Variants in INSR observed in about 807,000 individuals in gnomAD.
The protein encoded by INSR is IR.
In INSR, 67 loss-of-function variants were observed where a neutral mutation model predicts 142.6. That is an observed-to-expected ratio of 0.47 (90% CI 0.39 to 0.58). The LOEUF (loss-of-function observed/expected upper bound fraction) is 0.58. Ranked by LOEUF, INSR falls within the 20% of genes least tolerant of loss-of-function variation. The pLI is 0.00. For missense variants in INSR, 1,248 were observed against 1,833.2 expected (o/e 0.68, Z 5.83); for synonymous variants, 756 against 743.1 (o/e 1.02, Z -0.28).
At chr19:7,127,898 C>T (rs181978244) in intron 15 of INSR, among the ~76,000 whole-genome samples, 33 of 152,050 alleles carry the variant, frequency 2.2e-4, no homozygotes, top group African/African-American at 7.2e-4. Context: ...CGCACATCAC[C>T]ACACCTTGCT....
intron 2 of INSR, among the ~76,000 whole-genome samples, chr19:7,207,944 AGGAGGGAG>A (rs142282913): frequency 2.2e-4 from 10 of 46,430 alleles, no homozygotes; most frequent in East Asian, 1.1e-3. Flanking sequence ...AAGGAAGGGA[AGGAGGGAG>A]GGAGGGAGGG....
chr19:7,197,823 A>AAC lies in INSR; in HGVS notation c.653-13187_653-13186insGT, dbSNP rs1393569879. ...GTTCCAGAGTGGGAGAGAGAGCGAG[A>AAC]GAGAGAGAGAACGAGAGAGAGAGAG... On this transcript the variant is annotated intron_variant, in intron 2 of 21. Coordinates refer to ENST00000302850, the MANE Select transcript of INSR (RefSeq NM_000208.4). 2.6e-3 allele frequency among the ~76,000 whole-genome samples: 188 copies of AAC among 71,676 alleles called. 3 individuals carry two copies. The highest frequency in any genetic ancestry group is 0.012 in the African/African-American group (177 of 15,246). The allele number at this position is 71,676 out of a possible 152,430, so 47.0% of individuals were successfully genotyped here.
intron 13 of INSR, among the ~76,000 whole-genome samples, chr19:7,137,098 C>G (rs1249620089): frequency 1.3e-5 from 2 of 151,998 alleles, no homozygotes; most frequent in African/African-American, 4.8e-5. Flanking sequence ...TCTGAAGGTA[C>G]TAGGATTACA....
chr19:7,173,768 C>T (rs540869516), intron 4 of INSR, among the ~76,000 whole-genome samples: 3 of 151,882 alleles, frequency 2.0e-5, no homozygotes, highest in East Asian at 3.9e-4. Flanking sequence ...TACAGGCACG[C>T]ACCACCAAGC....
At chr19:7,146,712 G>A (rs185701023) in intron 11 of INSR, among the ~76,000 whole-genome samples, 22 of 152,224 alleles carry the variant, frequency 1.4e-4, no homozygotes, top group Admixed American at 1.4e-3. Flanking sequence ...ACTTTTTTGA[G>A]GAAATTATTT....
intron 2 of INSR, among the ~76,000 whole-genome samples, chr19:7,188,651 C>A (rs1599967324): frequency 6.6e-6 from 1 of 150,996 alleles, no homozygotes; most frequent in African/African-American, 2.4e-5. Flanking sequence ...GTGGGTGGAC[C>A]ACTTGAGGTC....
Position 7,249,223 on chromosome 19 carries a change from C to A in INSR, c.652+18122G>T, listed in dbSNP as rs2145168870. The stretch of plus-strand genomic sequence containing the variant: ...TTTCCTTTCAGAGGTTCAGCTATCG[C>A]TCTCCCCGTGACATCTGTGATGACG... On this transcript the variant is annotated intron_variant, in intron 2 of 21. Transcript: ENST00000302850. 1.3e-5 allele frequency among the ~76,000 whole-genome samples: 2 copies of A among 152,252 alleles called. 1 individual carries two copies. Among genetic ancestry groups the A allele is most frequent in the South Asian group, 4.1e-4 (2 of 4,832 alleles).
intron 3 of INSR, among the ~76,000 whole-genome samples, chr19:7,175,497 C>G (rs1397229946): frequency 1.3e-5 from 2 of 152,150 alleles, no homozygotes; most frequent in Non-Finnish European, 2.9e-5. Flanking sequence ...AGGCTCCACT[C>G]ACGAGCTGCC....
At chr19:7,135,304 CTTTTTTTTT>C (rs34080394) in intron 13 of INSR, among the ~76,000 whole-genome samples, 101 of 60,056 alleles carry the variant, frequency 1.7e-3, no homozygotes, top group South Asian at 4.8e-3. Context: ...AATGCATCTT[CTTTTTTTTT>C]TTTTTTTTTT....
intron 2 of INSR, among the ~76,000 whole-genome samples, chr19:7,252,342 G>T (rs1038842528): frequency 6.6e-6 from 1 of 151,904 alleles, no homozygotes; most frequent in South Asian, 2.1e-4. Context: ...AATCCAGGAG[G>T]TTGCAGTGAG....
rs373987467 is a variant in INSR, at chr19:7,126,647, G to C, written c.2950C>G (p.Pro984Ala). ...TAAAGCGGTCCCAGCGGCCCATCTG[G>C]CTGCCTGGAGGAGGAAAACGAGGCA... ...SIYLFLRKRQ[P>A]DGPLGPLYAS... The change falls in exon 16 of 22, where the codon CCA (proline) becomes GCA (alanine). Residue 984 changes from proline to alanine, a missense_variant. Coordinates refer to ENST00000302850, the MANE Select transcript of INSR (RefSeq NM_000208.4). The C allele has an allele frequency of 1.9e-5, 30 of 1,564,096 alleles. No individual in the cohort carries two copies. In the African/African-American group the frequency reaches 3.9e-4, roughly 20 times the overall value.
chr19:7,155,063 A>G (rs958839000), intron 9 of INSR, among the ~76,000 whole-genome samples: 2 of 152,174 alleles, frequency 1.3e-5, no homozygotes, highest in Non-Finnish European at 2.9e-5. Context: ...ATGTTGGGGT[A>G]AAAGAACAGT....
chr19:7,122,365 C>A (rs1481590960), intron 19 of INSR, among the ~76,000 whole-genome samples: 1 of 151,078 alleles, frequency 6.6e-6, no homozygotes, highest in Non-Finnish European at 1.5e-5. Context: ...ATCACTTGAA[C>A]CTGGGAGGTG....
At chr19:7,127,135 T>G (rs1972665419) in intron 15 of INSR, among the ~76,000 whole-genome samples, 1 of 152,116 alleles carries the variant, frequency 6.6e-6, no homozygotes, top group Non-Finnish European at 1.5e-5. Flanking sequence ...TGGTCTCAAG[T>G]GATCCTCCTG....
chr19:7,270,316 T>TTCTCTC (rs371690798), intron 1 of INSR, among the ~76,000 whole-genome samples: 317 of 128,220 alleles, frequency 2.5e-3, no homozygotes, highest in South Asian at 8.2e-3. Flanking sequence ...TATATTTCAT[T>TTCTCTC]TCTCTCTCTC....
intron 1 of INSR, among the ~76,000 whole-genome samples, chr19:7,274,996 G>A (rs1339548569): frequency 1.3e-5 from 2 of 150,110 alleles, no homozygotes; most frequent in African/African-American, 4.9e-5. Context: ...TTTGGTCAGA[G>A]AGGGAGTTTC....
In INSR at chr19:7,172,280, G is replaced by A. The variant is rs1974033974; in HGVS notation, c.1268+10C>T. 2 of 1,613,794 alleles carry A rather than the reference G, an allele frequency of 1.2e-6. No homozygotes were observed. Among genetic ancestry groups the A allele is most frequent in the Non-Finnish European group, 8.5e-7 (1 of 1,179,886 alleles). On this transcript the variant is annotated intron_variant, in intron 5 of 21. Transcript: ENST00000302850. ...GCACTCAGGCCATACACACAATCAG[G>A]CCCACGTACCCAATTTCCAAGGTCT...
At chr19:7,153,436 TCA>T (rs1409235870) in intron 9 of INSR, among the ~76,000 whole-genome samples, 5 of 59,560 alleles carry the variant, frequency 8.4e-5, no homozygotes, top group East Asian at 5.6e-4. Context: ...ACCACACAAA[TCA>T]CACACACCAC....
chr19:7,154,507 T>C (rs1973536780), intron 9 of INSR, among the ~76,000 whole-genome samples: 1 of 150,564 alleles, frequency 6.6e-6, no homozygotes, highest in African/African-American at 2.4e-5. Flanking sequence ...TTTCATTGTG[T>C]TAGCCAGGAT....
Sources: allele counts gnomAD v4.1 joint callset (sites outside exome capture counted in the v4.1 genomes callset), GRCh38; gene constraint gnomAD v4.1.1; transcripts MANE v1.5; gene names NCBI Gene and HGNC (gene_info 2026-07-23, HGNC 2026-07-21).